KHDRBS2: variants seen among roughly 807,000 people sequenced by gnomAD.
The protein encoded by KHDRBS2 is KH domain-containing, RNA-binding, signal transduction-associated protein 2.
A neutral mutation model predicts 44.3 loss-of-function variants in KHDRBS2; 26 were observed. The ratio of observed to expected loss-of-function variants is 0.59; its 90% CI spans 0.43 to 0.81. The LOEUF (loss-of-function observed/expected upper bound fraction) is 0.81. Ranked by LOEUF, KHDRBS2 falls within the 40% of genes least tolerant of loss-of-function variation. The pLI, the probability that KHDRBS2 is intolerant of heterozygous loss-of-function variation, is 0.00. For missense variants in KHDRBS2, 476 were observed against 433.1 expected, an observed-to-expected ratio of 1.10 and a Z score of -0.88; for synonymous variants, 194 against 151.1, an observed-to-expected ratio of 1.28 and a Z score of -2.08.
In KHDRBS2 at chr6:61,814,521, C is replaced by T. The variant is rs536367921; in HGVS notation, c.810+80114G>A. 1.7e-3 allele frequency among the ~76,000 whole-genome samples: 146 copies of T among 87,404 alleles called. 1 individual carries two copies. Among genetic ancestry groups the T allele is most frequent in the African/African-American group, 8.4e-3 (130 of 15,388 alleles). 57.3% of individuals were successfully genotyped at this position (87,404 alleles called of 152,430 possible). On this transcript the variant is annotated intron_variant, in intron 6 of 8. Transcript: ENST00000281156. ...ACTTGGGATGCTGAGGCAGGTGAATCGCTTGACCAGGGAGTTGGAGGTTGC... is the reference window on the plus strand; with the variant it reads ...ACTTGGGATGCTGAGGCAGGTGAATTGCTTGACCAGGGAGTTGGAGGTTGC...
At chr6:62,148,638 A>G (rs1180880712) in intron 2 of KHDRBS2, among the ~76,000 whole-genome samples, 3 of 151,998 alleles carry the variant, frequency 2.0e-5, no homozygotes, top group African/African-American at 7.2e-5. Context: ...AATGAAAAAC[A>G]AGCCTCAGAC....
intron 1 of KHDRBS2, among the ~76,000 whole-genome samples, chr6:62,233,586 T>G (rs1833219911): frequency 1.3e-5 from 2 of 152,084 alleles, no homozygotes; most frequent in Non-Finnish European, 2.9e-5. Flanking sequence ...TTTCATCACC[T>G]AGATATTCAG....
chr6:61,714,044 G>A (rs566016720), intron 7 of KHDRBS2, among the ~76,000 whole-genome samples: 8 of 151,858 alleles, frequency 5.3e-5, no homozygotes, highest in Non-Finnish European at 1.0e-4. Context: ...ATAGACAAAC[G>A]GGACTACATT....
chr6:61,666,091 G>A, the KHDRBS2 span, among the ~76,000 whole-genome samples: 1 of 151,210 alleles, frequency 6.6e-6, no homozygotes, highest in Non-Finnish European at 1.5e-5. Flanking sequence ...TTGACTAAAT[G>A]CAGCTGTAAA....
At chr6:62,068,302 T>C (rs377040550) in intron 2 of KHDRBS2, among the ~76,000 whole-genome samples, 2 of 151,620 alleles carry the variant, frequency 1.3e-5, no homozygotes, top group African/African-American at 4.8e-5. Flanking sequence ...CATATGTTTA[T>C]CGACTTTTAT....
At chr6:61,719,661 G>C (rs1259825090) in intron 7 of KHDRBS2, among the ~76,000 whole-genome samples, 1 of 151,956 alleles carries the variant, frequency 6.6e-6, no homozygotes, top group Non-Finnish European at 1.5e-5. Flanking sequence ...TCTCCTCATA[G>C]ACACAGGGTA....
intron 3 of KHDRBS2, among the ~76,000 whole-genome samples, chr6:61,996,940 G>C (rs1211157323): frequency 1.3e-5 from 2 of 151,936 alleles, no homozygotes; most frequent in Non-Finnish European, 2.9e-5. Flanking sequence ...CTGCCACTAT[G>C]CCTGGCTAAT....
At chr6:61,752,671 C>CCA (rs1441449869) in intron 6 of KHDRBS2, among the ~76,000 whole-genome samples, 1 of 111,336 alleles carries the variant, frequency 9.0e-6, no homozygotes, top group Non-Finnish European at 1.8e-5. Context: ...TTGTGGTATA[C>CCA]AAAAAAAAAA....
At chr6:61,944,443 TAA>T (rs765706627) in intron 4 of KHDRBS2, among the ~76,000 whole-genome samples, 5 of 142,304 alleles carry the variant, frequency 3.5e-5, no homozygotes, top group South Asian at 2.2e-4. Flanking sequence ...ATGTGCAAGG[TAA>T]AAAAAAAAAG....
At chr6:62,141,116 T>C (rs1812708309) in intron 2 of KHDRBS2, among the ~76,000 whole-genome samples, 1 of 152,176 alleles carries the variant, frequency 6.6e-6, no homozygotes, top group Admixed American at 6.6e-5. Flanking sequence ...TATGCAACTA[T>C]CTTGAACAAT....
the KHDRBS2 span, among the ~76,000 whole-genome samples, chr6:61,633,902 C>G: frequency 6.6e-6 from 1 of 151,902 alleles, no homozygotes; most frequent in African/African-American, 2.4e-5. Flanking sequence ...TCATTTGTAT[C>G]ATTTAAGTTT....
chr6:61,939,368 T>C (rs1204666542), intron 4 of KHDRBS2, among the ~76,000 whole-genome samples: 2 of 152,310 alleles, frequency 1.3e-5, no homozygotes, highest in East Asian at 3.9e-4. Context: ...TATTTCAAAT[T>C]CGAAATTAAT....
At chr6:61,582,379 A>G in the KHDRBS2 span, among the ~76,000 whole-genome samples, 3,685 of 151,196 alleles carry the variant, frequency 0.024, 71 homozygotes, top group Middle Eastern at 0.086. Context: ...TGTTAAAAAT[A>G]AAAGTATATA....
At chr6:61,910,097 CG>C (rs1805783292) in intron 4 of KHDRBS2, among the ~76,000 whole-genome samples, 1 of 152,106 alleles carries the variant, frequency 6.6e-6, no homozygotes. Flanking sequence ...GCGCTTTTAC[CG>C]GAATAGTAAA....
At chr6:61,975,111 C>A (rs1034288527) in intron 4 of KHDRBS2, among the ~76,000 whole-genome samples, 8 of 152,102 alleles carry the variant, frequency 5.3e-5, no homozygotes, top group African/African-American at 1.9e-4. Flanking sequence ...CTAAAGCATT[C>A]AGACAGCTCA....
downstream of KHDRBS2, among the ~76,000 whole-genome samples, chr6:61,678,107 G>A (rs918228761): frequency 6.6e-6 from 1 of 151,480 alleles, no homozygotes; most frequent in African/African-American, 2.4e-5. Flanking sequence ...GATCATTAAA[G>A]TTAACATATA....
the KHDRBS2 span, among the ~76,000 whole-genome samples, chr6:61,664,995 G>T: frequency 6.6e-6 from 1 of 151,326 alleles, no homozygotes; most frequent in African/African-American, 2.4e-5. Context: ...TAATTTAAAA[G>T]ATATACTTTT....
At chr6:62,191,513 G>C (rs1410928309) in intron 1 of KHDRBS2, among the ~76,000 whole-genome samples, 7 of 152,018 alleles carry the variant, frequency 4.6e-5, no homozygotes, top group African/African-American at 1.7e-4. Flanking sequence ...ATTTGCAAGT[G>C]TTTTCCTCAT....
rs567055561 is a variant in KHDRBS2 at position 62,258,768 on chromosome 6, T to G, written c.91+27090A>C. On this transcript the variant is annotated intron_variant, in intron 1 of 8. Coordinates refer to ENST00000281156, the MANE Select transcript of KHDRBS2 (RefSeq NM_152688.4). ...AGAAAAAATCAGAAATCCAAAACTC[T>G]TCTATATTTTAGATACGGGATACTC... 4.3e-4 allele frequency among the ~76,000 whole-genome samples: 65 copies of G among 152,050 alleles called. No individual in the cohort carries two copies. In the South Asian group the frequency reaches 0.012, roughly 28 times the overall value.
Sources: gnomAD v4.1 joint callset for allele counts (sites outside exome capture counted in the v4.1 genomes callset) on GRCh38, gnomAD v4.1.1 for gene constraint, MANE v1.5 for transcripts, NCBI Gene and HGNC (gene_info 2026-07-23, HGNC 2026-07-21) for gene names.